The following PIK3C3 variants were observed in gnomAD, a reference collection of about 807,000 sequenced individuals.
PIK3C3 encodes the protein PI3-kinase type 3.
In PIK3C3, 95 loss-of-function variants were observed where a neutral mutation model predicts 126.1. The ratio of observed to expected loss-of-function variants is 0.75; its 90% CI spans 0.64 to 0.89. The LOEUF (loss-of-function observed/expected upper bound fraction) is 0.89, where lower values mean the gene tolerates loss of function less well. Ranked by LOEUF, PIK3C3 falls within the 40% of genes least tolerant of loss-of-function variation. The probability of loss-of-function intolerance (pLI) is 0.00; values close to 1 mark genes in which losing one functional copy is unlikely to be tolerated. For synonymous variants in PIK3C3, 374 were observed against 360.0 expected (o/e 1.04, Z -0.44); for missense variants, 829 against 1,063.2 (o/e 0.78, Z 3.06).
intron 21 of PIK3C3, 116 bp from the exon 22 acceptor site, chr18:42,057,767 A>T (rs914566458): frequency 4.4e-6 from 4 of 901,280 alleles, no homozygotes; most frequent in South Asian, 3.1e-5. Flanking sequence ...AATAGGCTTC[A>T]TCGTGAACTA....
At chr18:41,976,413 G>C (rs1175176960) in intron 4 of PIK3C3, among the ~76,000 whole-genome samples, 2 of 151,808 alleles carry the variant, frequency 1.3e-5, no homozygotes, top group Admixed American at 1.3e-4. Context: ...ATTATTGTTA[G>C]TGTTATTATG....
chr18:42,037,496 G>A (rs543112358), intron 16 of PIK3C3, among the ~76,000 whole-genome samples, 196 bp from the exon 17 acceptor site: 32 of 152,284 alleles, frequency 2.1e-4, no homozygotes, highest in African/African-American at 7.5e-4. Flanking sequence ...GCTTTCCATC[G>A]TGTAGTCTTC....
chr18:42,076,133 T>G (rs1163492505), intron 24 of PIK3C3, among the ~76,000 whole-genome samples: 2 of 91,856 alleles, frequency 2.2e-5, no homozygotes, highest in African/African-American at 6.4e-5. Context: ...CGCATATATA[T>G]ATATATATAT....
At chr18:42,044,789 A>G (rs1017309430) in intron 20 of PIK3C3, among the ~76,000 whole-genome samples, 1 of 152,160 alleles carries the variant, frequency 6.6e-6, no homozygotes, top group Non-Finnish European at 1.5e-5. Flanking sequence ...AGGAGTTGAC[A>G]CTAGAGTTGA....
Position 42,081,275 on chromosome 18 carries a change from A to C in PIK3C3, c.*138A>C. ...CAAGTTACCATATTTTCCAAATATT[A>C]CATGGTACCTGAGTTCTGCTTCCTT... is the stretch of plus-strand genomic sequence containing the variant. On this transcript the variant is annotated 3_prime_UTR_variant, in exon 25 of 25. Transcript: ENST00000262039. 1.8e-6 allele frequency: 1 copy of C among 564,828 alleles called. No individual in the cohort carries two copies. Among genetic ancestry groups the C allele is most frequent in the Non-Finnish European group, 3.2e-6 (1 of 314,956 alleles). 35.0% of individuals were successfully genotyped at this position (564,828 alleles called of 1,614,324 possible).
In PIK3C3 at chr18:42,081,336, G is replaced by GT; in HGVS notation, c.*203dup. ...GCTTAAATATAGTCTTGAAGGGCTT[G>GT]TTTTGAAATATTGTATATATTTTTT... is the stretch of plus-strand genomic sequence containing the variant. On this transcript the variant is annotated 3_prime_UTR_variant, in exon 25 of 25. Transcript: ENST00000262039. The GT allele has an allele frequency of 2.3e-6, 1 of 428,696 alleles. No individual in the cohort carries two copies. The highest frequency in any genetic ancestry group is 3.5e-5 in the East Asian group (1 of 28,826). 26.6% of individuals were successfully genotyped at this position (428,696 alleles called of 1,614,324 possible). A position where few individuals can be genotyped will look rare whatever the true frequency, so the allele number is the denominator to read the frequency against.
At chr18:41,987,681 C>A in intron 4 of PIK3C3, 131 bp from the exon 5 acceptor site, 2 of 502,912 alleles carry the variant, frequency 4.0e-6, no homozygotes, top group South Asian at 3.6e-5. Context: ...TCTTATCCTG[C>A]TAATTGCGTA....
intron 20 of PIK3C3, among the ~76,000 whole-genome samples, chr18:42,045,705 G>A (rs1984529638): frequency 6.6e-6 from 1 of 152,132 alleles, no homozygotes; most frequent in Non-Finnish European, 1.5e-5. Flanking sequence ...CTGGATTTGA[G>A]GGGACGGAAT....
In PIK3C3 at chr18:42,040,565, G is replaced by T. The variant is rs1984266140; in HGVS notation, c.2039-112G>T. On this transcript the variant is annotated intron_variant, in intron 18 of 24. Transcript: ENST00000262039. ...TAGTGTACACTGATCTTTTTAAGTTGTTCAGATATGGAATGCATTTATTCA... is the reference window on the plus strand; with the variant it reads ...TAGTGTACACTGATCTTTTTAAGTTTTTCAGATATGGAATGCATTTATTCA... 7 of 706,114 alleles carry T rather than the reference G, an allele frequency of 9.9e-6. No individual in the cohort carries two copies. The South Asian group carries it at 1.4e-4, about 14-fold the overall frequency. 43.7% of individuals were successfully genotyped at this position (706,114 alleles called of 1,614,324 possible). A position where few individuals can be genotyped will look rare whatever the true frequency, so the allele number is the denominator to read the frequency against.
intron 10 of PIK3C3, among the ~76,000 whole-genome samples, chr18:42,006,854 C>G (rs887256986): frequency 7.7e-5 from 11 of 142,332 alleles, no homozygotes; most frequent in Non-Finnish European, 1.5e-5. Context: ...TTTTAAAAAT[C>G]ATATTCTTTT....
chr18:42,010,336 G>A (rs774897699), intron 10 of PIK3C3, among the ~76,000 whole-genome samples: 10 of 151,950 alleles, frequency 6.6e-5, no homozygotes, highest in East Asian at 1.9e-4. Flanking sequence ...TGCTATTTCC[G>A]TGACTTCTGC....
At chr18:42,067,545 A>C (rs753562753) in intron 24 of PIK3C3, 32 bp downstream of exon 24, 2 of 1,612,222 alleles carry the variant, frequency 1.2e-6, no homozygotes, top group Non-Finnish European at 1.7e-6. Context: ...CATTTTTCTC[A>C]CCTTCTCCGT....
chr18:42,043,657 C>A, intron 19 of PIK3C3, 76 bp from the exon 20 acceptor site: 2 of 886,192 alleles, frequency 2.3e-6, no homozygotes, highest in Non-Finnish European at 3.7e-6. Context: ...ACTTGCTGGT[C>A]ACTATTTATA....
At chr18:41,963,147 G>A (rs540720908) in intron 3 of PIK3C3, among the ~76,000 whole-genome samples, 1 of 151,698 alleles carries the variant, frequency 6.6e-6, no homozygotes, top group East Asian at 1.9e-4. Flanking sequence ...TTTCTCCTGG[G>A]ACAGAGGACT....
rs1217752848 is a variant in PIK3C3 at position 42,024,916 on chromosome 18, GC to G, written c.1485-2525del. Among the ~76,000 whole-genome samples the G allele has an allele frequency of 1.1e-4, 17 of 151,266 alleles. 1 individual carries two copies. In the South Asian group the frequency reaches 3.5e-3, roughly 31 times the overall value. ...CCTCACGAGTTCACGCCATTCTTCT[GC>G]CTCAGCCTCCCGAGCAGCTGGGACT... On this transcript the variant is annotated intron_variant, in intron 13 of 24. Transcript: ENST00000262039.
intron 6 of PIK3C3, 50 bp from the exon 7 acceptor site, chr18:41,993,220 C>T: frequency 2.8e-6 from 3 of 1,073,144 alleles, no homozygotes; most frequent in Non-Finnish European, 1.4e-6. Context: ...TATACTGCTT[C>T]CTATTGTATT....
intron 10 of PIK3C3, among the ~76,000 whole-genome samples, chr18:42,005,910 C>T (rs548420444): frequency 6.6e-6 from 1 of 151,074 alleles, no homozygotes; most frequent in Non-Finnish European, 1.5e-5. Flanking sequence ...ACTGCTCAGT[C>T]TCTCCACCCC....
Position 42,005,310 on chromosome 18 carries a change from A to T in PIK3C3, c.1170+769A>T, listed in dbSNP as rs569608358. Among the ~76,000 whole-genome samples the T allele has an allele frequency of 9.2e-5, 14 of 152,334 alleles. No homozygotes were observed. In the South Asian group the frequency reaches 2.9e-3, roughly 32 times the overall value. ...CCTTAGGCAGTTGTAACGCAATGCT[A>T]AGTATTTGTGTATCTAAACATAGAA... On this transcript the variant is annotated intron_variant, in intron 10 of 24. Transcript: ENST00000262039.
At chr18:42,076,123 C>CATAT (rs1568013588) in intron 24 of PIK3C3, among the ~76,000 whole-genome samples, 456 of 30,214 alleles carry the variant, frequency 0.015, 18 homozygotes, top group African/African-American at 0.041. Context: ...TATATATATG[C>CATAT]GCATATATAT....
Sources: allele counts gnomAD v4.1 joint callset (sites outside exome capture counted in the v4.1 genomes callset), GRCh38; gene constraint gnomAD v4.1.1; transcripts MANE v1.5; gene names NCBI Gene and HGNC (gene_info 2026-07-23, HGNC 2026-07-21).